Variants in WWOX observed in about 807,000 individuals in gnomAD.
WWOX encodes the protein WW domain-containing oxidoreductase.
WWOX carries 69 observed loss-of-function variants against 46.2 expected under a neutral mutation model. The ratio of observed to expected loss-of-function variants is 1.49; its 90% CI spans 1.23 to 1.82. The LOEUF (loss-of-function observed/expected upper bound fraction) is 1.82. Among genes scored for constraint, WWOX ranks in the 40% most tolerant of loss-of-function variants. The probability of loss-of-function intolerance (pLI) is 0.00; values close to 1 mark genes in which losing one functional copy is unlikely to be tolerated. For missense variants in WWOX, 919 were observed against 542.6 expected (o/e 1.69, Z -6.89); for synonymous variants, 359 against 202.6 (o/e 1.77, Z -6.56).
chr16:78,347,771 T>A lies in WWOX; in HGVS notation c.517-39089T>A, dbSNP rs753866240. ...AATAGTTGCCCTGGCAATTTCTGAT[T>A]ATAATTTTAGAAATATTTCTAACCT... On this transcript the variant is annotated intron_variant, in intron 5 of 8. Transcript: ENST00000566780. 3.3e-5 allele frequency among the ~76,000 whole-genome samples: 4 copies of A among 122,498 alleles called. 1 individual carries two copies. Among genetic ancestry groups the A allele is most frequent in the Non-Finnish European group, 7.8e-5 (4 of 51,074 alleles). The allele number at this position is 122,498 out of a possible 152,430, so 80.4% of individuals were successfully genotyped here. A position where few individuals can be genotyped will look rare whatever the true frequency, so the allele number is the denominator to read the frequency against.
intron 8 of WWOX, among the ~76,000 whole-genome samples, chr16:78,841,902 G>C (rs777354077): frequency 6.6e-6 from 1 of 152,150 alleles, no homozygotes; most frequent in Admixed American, 6.5e-5. Flanking sequence ...CGAGGGTCTC[G>C]ATTATTGGGC....
Position 78,323,901 on chromosome 16 carries a change from A to G in WWOX, c.517-62959A>G, listed in dbSNP as rs527448711. Among the ~76,000 whole-genome samples the G allele has an allele frequency of 3.9e-5, 6 of 152,276 alleles. No homozygotes were observed. In the South Asian group the frequency reaches 1.2e-3, roughly 32 times the overall value. ...AGGCCTGCTCAAGGTTAAGTGCAGT[A>G]TGGTCTGAATAATAAGCATAGATGC... On this transcript the variant is annotated intron_variant, in intron 5 of 8. Coordinates refer to ENST00000566780, the MANE Select transcript of WWOX (RefSeq NM_016373.4).
chr16:78,281,866 C>T (rs57012796), intron 5 of WWOX, among the ~76,000 whole-genome samples: 29,078 of 152,112 alleles, frequency 0.19, 3,124 homozygotes, highest in East Asian at 0.35. Context: ...AATATGTCAT[C>T]GAGGTCCCCT....
intron 5 of WWOX, among the ~76,000 whole-genome samples, chr16:78,331,695 T>A (rs1205690027): frequency 2.6e-5 from 4 of 152,132 alleles, no homozygotes; most frequent in Admixed American, 2.6e-4. Flanking sequence ...GAAAGAGTTT[T>A]GTTATCCTGA....
intron 8 of WWOX, among the ~76,000 whole-genome samples, chr16:79,132,976 T>C (rs2049911262): frequency 6.6e-6 from 1 of 152,218 alleles, no homozygotes; most frequent in Non-Finnish European, 1.5e-5. Context: ...GTCTGTTCTG[T>C]CACTTGGATC....
chr16:78,245,797 C>T (rs1315269519), intron 5 of WWOX, among the ~76,000 whole-genome samples: 3 of 152,138 alleles, frequency 2.0e-5, no homozygotes, highest in African/African-American at 7.2e-5. Flanking sequence ...AATATTCTTC[C>T]TCGACAATAG....
intron 5 of WWOX, among the ~76,000 whole-genome samples, chr16:78,329,750 CTTTT>C (rs1020813386): frequency 7.0e-6 from 1 of 142,920 alleles, no homozygotes. Context: ...CTTTTTCTTT[CTTTT>C]TTTTTTTTTT....
At chr16:78,961,863 GA>G (rs2046277248) in intron 8 of WWOX, among the ~76,000 whole-genome samples, 1 of 152,144 alleles carries the variant, frequency 6.6e-6, no homozygotes, top group South Asian at 2.1e-4. Flanking sequence ...TGATTTTGCA[GA>G]AATCATTCTG....
At chr16:78,794,054 C>T (rs896104307) in intron 8 of WWOX, among the ~76,000 whole-genome samples, 6 of 152,140 alleles carry the variant, frequency 3.9e-5, no homozygotes, top group Non-Finnish European at 8.8e-5. Flanking sequence ...GTCAGAATGT[C>T]TGTGTCACCC....
intron 8 of WWOX, among the ~76,000 whole-genome samples, chr16:78,437,674 C>G (rs1363478671): frequency 6.6e-6 from 1 of 152,072 alleles, no homozygotes; most frequent in Non-Finnish European, 1.5e-5. Context: ...AAATAAAAAT[C>G]ACAGATAAAC....
intron 8 of WWOX, among the ~76,000 whole-genome samples, chr16:78,530,029 G>T (rs2043582714): frequency 6.6e-6 from 1 of 152,244 alleles, no homozygotes; most frequent in Admixed American, 6.5e-5. Context: ...TGCCAGTAGA[G>T]GTGAACTGCA....
In WWOX at chr16:78,506,118, G is replaced by T. The variant is rs191095823; in HGVS notation, c.1056+73366G>T. Among the ~76,000 whole-genome samples, 746 of 151,844 alleles carry T rather than the reference G, an allele frequency of 4.9e-3. 7 individuals are homozygous for T. Among genetic ancestry groups the T allele is most frequent in the Middle Eastern group, 0.017 (5 of 294 alleles). ...AGCAGGGGCTGCCTGGAGAAGGGGA[G>T]GACAGGCTTCGAGTTTTTTGGGTAG... is the stretch of plus-strand genomic sequence containing the variant. On this transcript the variant is annotated intron_variant, in intron 8 of 8. Coordinates refer to ENST00000566780, the MANE Select transcript of WWOX (RefSeq NM_016373.4).
At chr16:78,666,694 C>T (rs2047339989) in intron 8 of WWOX, among the ~76,000 whole-genome samples, 1 of 152,160 alleles carries the variant, frequency 6.6e-6, no homozygotes, top group South Asian at 2.1e-4. Context: ...AGAGCAGGTC[C>T]ATTAATTCAG....
At chr16:78,190,493 A>G (rs889421) in intron 5 of WWOX, among the ~76,000 whole-genome samples, 2,313 of 152,302 alleles carry the variant, frequency 0.015, 33 homozygotes, top group Non-Finnish European at 0.021. Flanking sequence ...TCCAAAGGCT[A>G]TGCCTGCTGG....
intron 5 of WWOX, among the ~76,000 whole-genome samples, chr16:78,256,149 C>CAAAAA (rs10557567): frequency 3.1e-5 from 2 of 65,464 alleles, no homozygotes; most frequent in Admixed American, 2.0e-4. Context: ...GACTCCATCT[C>CAAAAA]AAAAAAAAAA....
intron 8 of WWOX, among the ~76,000 whole-genome samples, chr16:78,537,761 G>T (rs2043794058): frequency 1.3e-5 from 2 of 152,116 alleles, no homozygotes; most frequent in African/African-American, 4.8e-5. Flanking sequence ...GCTGGATTTG[G>T]CAGCTGGTTT....
intron 8 of WWOX, among the ~76,000 whole-genome samples, chr16:78,487,722 A>T (rs2151457003): frequency 6.6e-6 from 1 of 152,234 alleles, no homozygotes; most frequent in East Asian, 1.9e-4. Context: ...ATGTTGGCAA[A>T]TGTCTGGCCT....
intron 8 of WWOX, among the ~76,000 whole-genome samples, chr16:78,908,204 C>G (rs2045016149): frequency 1.3e-5 from 2 of 152,212 alleles, no homozygotes; most frequent in South Asian, 2.1e-4. Context: ...TGCCCGCTGC[C>G]TAAGCAAAGC....
At chr16:78,113,636 GA>G (rs928591923) in intron 3 of WWOX, among the ~76,000 whole-genome samples, 62 of 152,212 alleles carry the variant, frequency 4.1e-4, no homozygotes, top group African/African-American at 1.3e-3. Flanking sequence ...TCTTCAGGGG[GA>G]AAAAAGCCAC....
Sources: allele counts gnomAD v4.1 joint callset (sites outside exome capture counted in the v4.1 genomes callset), GRCh38; gene constraint gnomAD v4.1.1; transcripts MANE v1.5; gene names NCBI Gene and HGNC (gene_info 2026-07-23, HGNC 2026-07-21).